The following FRAS1 variants were observed in gnomAD, a reference collection of about 807,000 sequenced individuals.
FRAS1 encodes Fraser extracellular matrix complex subunit 1, also known as extracellular matrix organizing protein FRAS1.
FRAS1 carries 290 observed loss-of-function variants against 435.2 expected under a neutral mutation model. The ratio of observed to expected loss-of-function variants is 0.67; its 90% CI spans 0.61 to 0.73. FRAS1 has a LOEUF of 0.73. Ranked by LOEUF, FRAS1 falls within the 30% of genes least tolerant of loss-of-function variation. The probability of loss-of-function intolerance (pLI) is 0.00; values close to 1 mark genes in which losing one functional copy is unlikely to be tolerated. For missense variants in FRAS1, 4,860 were observed against 5,001.5 expected (o/e 0.97, Z 0.85); for synonymous variants, 1,800 against 1,851.0 (o/e 0.97, Z 0.71).
At chr4:78,101,022 G>A (rs1045778386) in intron 2 of FRAS1, among the ~76,000 whole-genome samples, 1 of 152,152 alleles carries the variant, frequency 6.6e-6, no homozygotes, top group Non-Finnish European at 1.5e-5. Flanking sequence ...GGGTGGGATG[G>A]TATGGAAACA....
intron 28 of FRAS1, among the ~76,000 whole-genome samples, chr4:78,385,605 G>C (rs1732187820): frequency 6.6e-6 from 1 of 152,152 alleles, no homozygotes; most frequent in African/African-American, 2.4e-5. Context: ...ACTAAAACAG[G>C]CTGGGCTCAG....
intron 2 of FRAS1, among the ~76,000 whole-genome samples, chr4:78,235,655 A>G (rs1724720620): frequency 6.6e-6 from 1 of 152,230 alleles, no homozygotes; most frequent in South Asian, 2.1e-4. Flanking sequence ...TGAGTGCAAT[A>G]AAGTGTGACA....
rs1264880754 is a variant in FRAS1, at chr4:78,191,862, G to A, written c.109-45648G>A. On this transcript the variant is annotated intron_variant, in intron 2 of 73. Coordinates refer to ENST00000512123, the MANE Select transcript of FRAS1 (RefSeq NM_025074.7). ...CAGCTTCATCCATGTCCCTACAAAG[G>A]ACATGAACTCATCATTTTTTATGGC... is the stretch of plus-strand genomic sequence containing the variant. 2.0e-5 allele frequency among the ~76,000 whole-genome samples: 3 copies of A among 152,090 alleles called. No individual in the cohort carries two copies. In the East Asian group the frequency reaches 5.8e-4, roughly 29 times the overall value.
chr4:78,270,861 AC>A (rs1216843272), intron 9 of FRAS1, among the ~76,000 whole-genome samples: 9 of 152,134 alleles, frequency 5.9e-5, no homozygotes, highest in African/African-American at 1.9e-4. Flanking sequence ...TTTCTATAGT[AC>A]CCACTGCTGC....
At chr4:78,208,398 C>T (rs958497370) in intron 2 of FRAS1, among the ~76,000 whole-genome samples, 42 of 152,222 alleles carry the variant, frequency 2.8e-4, no homozygotes, top group African/African-American at 9.6e-4. Flanking sequence ...TTAACACCCC[C>T]GCAAAATCAC....
At chr4:78,443,134 A>G (rs1452338146) in intron 41 of FRAS1, among the ~76,000 whole-genome samples, 2 of 152,194 alleles carry the variant, frequency 1.3e-5, no homozygotes, top group Admixed American at 1.3e-4. Flanking sequence ...GGATCGCTTG[A>G]GTCCATGTAT....
At chr4:78,346,137 G>A (rs937832417) in intron 20 of FRAS1, among the ~76,000 whole-genome samples, 1 of 152,136 alleles carries the variant, frequency 6.6e-6, no homozygotes, top group Non-Finnish European at 1.5e-5. Flanking sequence ...AACTGCTAAG[G>A]CTACATTTAC....
chr4:78,448,404 G>T (rs963015095), intron 44 of FRAS1, 88 bp downstream of exon 44: 4 of 1,263,674 alleles, frequency 3.2e-6, no homozygotes, highest in Middle Eastern at 2.8e-4. Context: ...CCATGTTAGT[G>T]ATGTGGGTGC....
intron 15 of FRAS1, among the ~76,000 whole-genome samples, chr4:78,313,255 A>G (rs1321717645): frequency 6.6e-6 from 1 of 151,852 alleles, no homozygotes; most frequent in African/African-American, 2.4e-5. Flanking sequence ...TTCAGGGGTG[A>G]TTTTCTTTTT....
intron 61 of FRAS1, among the ~76,000 whole-genome samples, chr4:78,500,206 GT>G (rs547371055): frequency 9.2e-5 from 14 of 152,108 alleles, no homozygotes; most frequent in African/African-American, 2.9e-4. Context: ...AGGATCACTT[GT>G]TAAAAAAAAA....
intron 14 of FRAS1, among the ~76,000 whole-genome samples, chr4:78,301,223 G>A (rs1728376237): frequency 6.6e-6 from 1 of 152,204 alleles, no homozygotes; most frequent in African/African-American, 2.4e-5. Flanking sequence ...ACTAGCTGGT[G>A]CTCCACTGTG....
intron 2 of FRAS1, among the ~76,000 whole-genome samples, chr4:78,108,434 G>C (rs1248198513): frequency 1.5e-5 from 1 of 67,628 alleles, no homozygotes; most frequent in Admixed American, 2.0e-4. Context: ...TAGAACTCAG[G>C]ATTAAGAATC....
At chr4:78,099,557 A>G (rs1742001802) in intron 2 of FRAS1, among the ~76,000 whole-genome samples, 2 of 152,334 alleles carry the variant, frequency 1.3e-5, no homozygotes, top group South Asian at 2.1e-4. Flanking sequence ...AACACTTACT[A>G]TGTTCCTGGC....
In FRAS1 at chr4:78,287,820, A is replaced by G. The variant is rs552858722; in HGVS notation, c.1534+1281A>G. On this transcript the variant is annotated intron_variant, in intron 14 of 73. Transcript: ENST00000512123. ...TCATGGGGTTGTGGAAACCATGTTGAAAGGAAACACTAATACTGTTTATGC... is the reference window on the plus strand; with the variant it reads ...TCATGGGGTTGTGGAAACCATGTTGGAAGGAAACACTAATACTGTTTATGC... Among the ~76,000 whole-genome samples the G allele has an allele frequency of 5.3e-5, 8 of 152,302 alleles. No homozygotes were observed. The South Asian group carries it at 1.7e-3, about 32-fold the overall frequency.
chr4:78,442,913 T>C (rs1268940125), intron 41 of FRAS1, among the ~76,000 whole-genome samples: 1 of 152,128 alleles, frequency 6.6e-6, no homozygotes, highest in African/African-American at 2.4e-5. Flanking sequence ...TCTACAATAA[T>C]ATTGGTATAA....
intron 68 of FRAS1, among the ~76,000 whole-genome samples, chr4:78,522,256 G>A (rs1485795288): frequency 6.6e-6 from 1 of 152,112 alleles, no homozygotes; most frequent in Non-Finnish European, 1.5e-5. Context: ...ATCTGATGCT[G>A]ATATTTCCAT....
chr4:78,468,809 G>A (rs1046593165), intron 50 of FRAS1, among the ~76,000 whole-genome samples: 5 of 152,160 alleles, frequency 3.3e-5, no homozygotes, highest in Admixed American at 6.5e-5. Context: ...TTTAGTGAGC[G>A]GCATATGTAC....
chr4:78,410,679 A>C (rs1274841567), intron 31 of FRAS1, among the ~76,000 whole-genome samples: 1 of 152,228 alleles, frequency 6.6e-6, no homozygotes, highest in Non-Finnish European at 1.5e-5. Flanking sequence ...AGTCAGACTA[A>C]GGTCTGGTGA....
chr4:78,117,269 T>A (rs1267326801), intron 2 of FRAS1, among the ~76,000 whole-genome samples: 1 of 152,228 alleles, frequency 6.6e-6, no homozygotes, highest in East Asian at 1.9e-4. Flanking sequence ...TTAACATTTT[T>A]TCCTTCATTT....
Sources: allele counts gnomAD v4.1 joint callset (sites outside exome capture counted in the v4.1 genomes callset), GRCh38; gene constraint gnomAD v4.1.1; transcripts MANE v1.5; gene names NCBI Gene and HGNC (gene_info 2026-07-23, HGNC 2026-07-21).